The following RAP2A variants were observed in gnomAD, a reference collection of about 807,000 sequenced individuals.
The protein encoded by RAP2A is ras-related protein Rap-2a.
A neutral mutation model predicts 15.1 loss-of-function variants in RAP2A; 5 were observed. The observed-to-expected ratio is 0.33, with a 90% CI of 0.17 to 0.70. RAP2A has a LOEUF of 0.70. Among genes scored for constraint, RAP2A ranks in the 30% least tolerant of loss-of-function variants. The pLI, the probability that RAP2A is intolerant of heterozygous loss-of-function variation, is 0.68. For synonymous variants in RAP2A, 110 were observed against 99.7 expected (o/e 1.10, Z -0.62); for missense variants, 111 against 240.3 (o/e 0.46, Z 3.56).
chr13:97,434,527 G>C lies in RAP2A; in HGVS notation c.57G>C (p.Leu19=). The change falls in exon 1 of 2, where the codon CTG becomes CTC. Residue 19 remains leucine (L), a synonymous_variant. Coordinates refer to ENST00000245304, the MANE Select transcript of RAP2A (RefSeq NM_021033.7). The part of the protein sequence containing the change: ...LGSGGVGKSA[L]TVQFVTGTFI... ...CGGGCGGGGTAGGCAAATCCGCCCT[G>C]ACCGTGCAGTTCGTGACCGGCACCT... 3.1e-6 allele frequency: 5 copies of C among 1,613,910 alleles called. No homozygotes were observed. The highest frequency in any genetic ancestry group is 4.2e-6 in the Non-Finnish European group (5 of 1,179,946).
At position 97,464,306 on chromosome 13, in the gene RAP2A, G is replaced by A; in HGVS notation, c.416G>A (p.Gly139Asp). 2 of 1,614,222 alleles carry A rather than the reference G, an allele frequency of 1.2e-6. No homozygotes were observed. Among genetic ancestry groups the A allele is most frequent in the Non-Finnish European group, 1.7e-6 (2 of 1,180,042 alleles). Residue 139 changes from glycine to aspartate, a missense_variant, in exon 2 of 2, where the codon GGC (glycine) becomes GAC (aspartate). By Grantham distance (94) the Gly-to-Asp change is moderately conservative. Transcript: ENST00000245304. ...GGCAGAGCCCTTGCTGAAGAGTGGG[G>A]CTGCCCCTTTATGGAAACTTCCGCT... ...SEGRALAEEWGCPFMETSAKS... is the reference protein window; with the variant it reads ...SEGRALAEEWDCPFMETSAKS...
At position 97,468,354 on chromosome 13, in the gene RAP2A, C is replaced by G. The variant is rs1284017161; in HGVS notation, c.*3912C>G. The G allele has an allele frequency of 1.3e-5, 2 of 152,208 alleles. No homozygotes were observed. Among genetic ancestry groups the G allele is most frequent in the Non-Finnish European group, 2.9e-5 (2 of 68,044 alleles). 9.4% of individuals were successfully genotyped at this position (152,208 alleles called of 1,614,324 possible). ...TGATTCAGAGGCCTTCTAGTGATGG[C>G]TTGAAGCCGTCTTTCTGTTTTCAGG... On this transcript the variant is annotated 3_prime_UTR_variant, in exon 2 of 2. Transcript: ENST00000245304.
chr13:97,463,510 A>G (rs2066757206), intron 1 of RAP2A, among the ~76,000 whole-genome samples: 1 of 152,210 alleles, frequency 6.6e-6, no homozygotes, highest in Non-Finnish European at 1.5e-5. Context: ...CTTTGAACTG[A>G]CTAATCCATA....
intron 1 of RAP2A, chr13:97,436,210 C>G (rs1325173109): frequency 6.6e-6 from 1 of 152,142 alleles, no homozygotes; most frequent in Non-Finnish European, 1.5e-5. Context: ...TTGTACTTCT[C>G]CAGTATCATT....
chr13:97,464,352 C>T lies in RAP2A; in HGVS notation c.462C>T (p.Asp154=), dbSNP rs1263711175. ...CCGCTAAGAGTAAAACAATGGTGGACGAACTCTTTGCAGAAATTGTGAGGC... is the reference window on the plus strand; with the variant it reads ...CCGCTAAGAGTAAAACAATGGTGGATGAACTCTTTGCAGAAATTGTGAGGC... The part of the protein sequence containing the change: ...ETSAKSKTMV[D]ELFAEIVRQM... The change falls in exon 2 of 2, where the codon GAC becomes GAT. Residue 154 remains aspartate, a synonymous_variant. Coordinates refer to ENST00000245304, the MANE Select transcript of RAP2A (RefSeq NM_021033.7). The T allele has an allele frequency of 1.2e-6, 2 of 1,614,136 alleles. No homozygotes were observed. Among genetic ancestry groups the T allele is most frequent in the Admixed American group, 1.7e-5 (1 of 60,026 alleles).
chr13:97,459,141 G>A (rs960399278), intron 1 of RAP2A, among the ~76,000 whole-genome samples: 1 of 152,118 alleles, frequency 6.6e-6, no homozygotes, highest in Admixed American at 6.5e-5. Context: ...TGAGATATCT[G>A]CTGATGTTTA....
chr13:97,434,881 G>C (rs895858137), intron 1 of RAP2A, 97 bp downstream of exon 1: 5 of 1,504,496 alleles, frequency 3.3e-6, no homozygotes, highest in Admixed American at 2.0e-5. Context: ...GGGGCTTTCT[G>C]GGGGGTGGCT....
intron 1 of RAP2A, among the ~76,000 whole-genome samples, chr13:97,450,792 T>C (rs2066699230): frequency 6.6e-6 from 1 of 152,132 alleles, no homozygotes; most frequent in Non-Finnish European, 1.5e-5. Context: ...CAGTGGAAAA[T>C]CTCCATTTCT....
At chr13:97,457,746 A>G (rs1248860458) in intron 1 of RAP2A, among the ~76,000 whole-genome samples, 1 of 152,182 alleles carries the variant, frequency 6.6e-6, no homozygotes. Flanking sequence ...GGAAGGATAG[A>G]TATCAAAATA....
chr13:97,460,039 A>G (rs927710173), intron 1 of RAP2A, among the ~76,000 whole-genome samples: 24 of 152,242 alleles, frequency 1.6e-4, no homozygotes, highest in African/African-American at 4.8e-4. Context: ...AGTTAAAACC[A>G]TCCCAAATAT....
At chr13:97,457,149 G>A (rs148920185) in intron 1 of RAP2A, among the ~76,000 whole-genome samples, 12 of 152,190 alleles carry the variant, frequency 7.9e-5, no homozygotes, top group African/African-American at 2.9e-4. Flanking sequence ...AACTTTGTGT[G>A]TGTCTGTGTT....
chr13:97,460,347 C>A (rs150897273), intron 1 of RAP2A, among the ~76,000 whole-genome samples: 131 of 152,334 alleles, frequency 8.6e-4, no homozygotes, highest in Non-Finnish European at 1.6e-3. Context: ...GTGGGTGTGA[C>A]CCACCATGTC....
chr13:97,462,074 TA>T (rs2066750414), intron 1 of RAP2A, among the ~76,000 whole-genome samples: 1 of 145,920 alleles, frequency 6.9e-6, no homozygotes, highest in Non-Finnish European at 1.5e-5. Flanking sequence ...ATTTATATAT[TA>T]TATATATTGT....
At position 97,464,299 on chromosome 13, in the gene RAP2A, G is replaced by T; in HGVS notation, c.409G>T (p.Glu137Ter). 6.2e-7 allele frequency: 1 copy of T among 1,614,246 alleles called. No individual in the cohort carries two copies. Among genetic ancestry groups the T allele is most frequent in the Non-Finnish European group, 8.5e-7 (1 of 1,180,046 alleles). The change falls in exon 2 of 2, where the codon GAG becomes TAG. Residue 137 changes from glutamate (E) to a stop codon, truncating the protein, a stop_gained. Coordinates refer to ENST00000245304, the MANE Select transcript of RAP2A (RefSeq NM_021033.7). LOFTEE classifies it high-confidence loss of function. ...CAGCGAAGGCAGAGCCCTTGCTGAA[G>T]AGTGGGGCTGCCCCTTTATGGAAAC... ...SSSEGRALAE[E>*]WGCPFMETSA...
chr13:97,449,726 A>ATT (rs5806015), intron 1 of RAP2A, among the ~76,000 whole-genome samples: 1,593 of 150,154 alleles, frequency 0.011, 13 homozygotes, highest in Non-Finnish European at 0.014. Context: ...CATTTGTTTT[A>ATT]TTTTTTTTTT....
intron 1 of RAP2A, among the ~76,000 whole-genome samples, chr13:97,460,971 G>A (rs190066121): frequency 2.6e-5 from 4 of 152,040 alleles, no homozygotes; most frequent in Admixed American, 1.3e-4. Flanking sequence ...CAGTTTCTCC[G>A]GCTCCTTCTT....
intron 1 of RAP2A, among the ~76,000 whole-genome samples, chr13:97,435,255 A>T (rs909666579): frequency 3.3e-4 from 50 of 152,202 alleles, no homozygotes; most frequent in African/African-American, 1.1e-3. Context: ...TTAAAGGTTT[A>T]TGGTTCCAAG....
intron 1 of RAP2A, among the ~76,000 whole-genome samples, chr13:97,458,611 T>C (rs1246036531): frequency 1.3e-5 from 2 of 152,198 alleles, no homozygotes; most frequent in Non-Finnish European, 2.9e-5. Context: ...TCTTGGGTCC[T>C]GATCCCACAG....
chr13:97,445,709 C>G (rs1201062519), intron 1 of RAP2A, among the ~76,000 whole-genome samples: 1 of 151,878 alleles, frequency 6.6e-6, no homozygotes, highest in Non-Finnish European at 1.5e-5. Flanking sequence ...GGAGAGTCCC[C>G]CAGCTGTGTG....
Sources: allele counts gnomAD v4.1 joint callset (sites outside exome capture counted in the v4.1 genomes callset), GRCh38; gene constraint gnomAD v4.1.1; transcripts MANE v1.5; gene names NCBI Gene and HGNC (gene_info 2026-07-23, HGNC 2026-07-21).